The following PIAS2 variants were observed in gnomAD, a reference collection of about 807,000 sequenced individuals.
PIAS2 encodes protein inhibitor of activated STAT 2.
A neutral mutation model predicts 69.7 loss-of-function variants in PIAS2; 19 were observed. The ratio of observed to expected loss-of-function variants is 0.27; its 90% CI spans 0.19 to 0.40. The LOEUF is 0.40. PIAS2 is among the 10% of genes least tolerant of loss of function. PIAS2 has a pLI of 1.00. For missense variants in PIAS2, 624 were observed against 757.0 expected, an observed-to-expected ratio of 0.82 and a Z score of 2.06; for synonymous variants, 261 against 263.2, an observed-to-expected ratio of 0.99 and a Z score of 0.08.
intron 12 of PIAS2, chr18:46,818,404 T>A (rs748770222): frequency 1.3e-6 from 2 of 1,588,482 alleles, no homozygotes; most frequent in African/African-American, 2.7e-5. Context: ...CAGAAGATGT[T>A]CCAAGCTTCA....
chr18:46,887,042 A>G (rs1456808098), intron 2 of PIAS2, among the ~76,000 whole-genome samples: 1 of 152,170 alleles, frequency 6.6e-6, no homozygotes, highest in Non-Finnish European at 1.5e-5. Flanking sequence ...AACTGGCACT[A>G]AAATAATTTG....
At chr18:46,832,619 G>A (rs1318118602) in intron 9 of PIAS2, among the ~76,000 whole-genome samples, 3 of 152,004 alleles carry the variant, frequency 2.0e-5, no homozygotes, top group Non-Finnish European at 4.4e-5. Flanking sequence ...GGCCGGATGT[G>A]GTGACTCATG....
intron 7 of PIAS2, 62 bp downstream of exon 7, chr18:46,844,672 A>C: frequency 5.3e-6 from 3 of 565,434 alleles, no homozygotes; most frequent in Non-Finnish European, 8.8e-6. Context: ...GCATTAAAGT[A>C]TCTCATATGC....
intron 2 of PIAS2, among the ~76,000 whole-genome samples, chr18:46,873,308 C>A (rs949390371): frequency 6.6e-6 from 1 of 152,184 alleles, no homozygotes; most frequent in Admixed American, 6.5e-5. Flanking sequence ...TGACAGGGAA[C>A]CCAAATCTAA....
intron 5 of PIAS2, chr18:46,853,632 T>C (rs944028809): frequency 6.6e-6 from 1 of 152,168 alleles, no homozygotes; most frequent in African/African-American, 2.4e-5. Context: ...CTACTAAAAT[T>C]ACAAAAACCA....
rs2041020255 is a variant in PIAS2 at position 46,811,822 on chromosome 18, A to T, written c.*611T>A. 1 of 152,216 alleles carries T rather than the reference A, an allele frequency of 6.6e-6. No individual in the cohort carries two copies. Among genetic ancestry groups the T allele is most frequent in the Non-Finnish European group, 1.5e-5 (1 of 68,046 alleles). 9.4% of individuals were successfully genotyped at this position (152,216 alleles called of 1,614,324 possible). A position where few individuals can be genotyped will look rare whatever the true frequency, so the allele number is the denominator to read the frequency against. ...GTAAATGATAAGCAGGAAAAAAACC[A>T]AGTAACACGAATGCCATTTTTCTTT... On this transcript the variant is annotated 3_prime_UTR_variant, in exon 14 of 14. Coordinates refer to ENST00000585916, the MANE Select transcript of PIAS2 (RefSeq NM_004671.5).
chr18:46,855,748 A>C (rs932857745), intron 3 of PIAS2, 133 bp from the exon 4 acceptor site: 7 of 686,832 alleles, frequency 1.0e-5, no homozygotes, highest in South Asian at 1.9e-5. Context: ...ATATACTACC[A>C]ATAATATAAG....
chr18:46,846,842 C>A lies in PIAS2; in HGVS notation c.727-1G>T. The A allele has an allele frequency of 6.4e-7, 1 of 1,559,456 alleles. No homozygotes were observed. The highest frequency in any genetic ancestry group is 1.3e-5 in the South Asian group (1 of 79,000). On this transcript the variant is annotated splice_acceptor_variant, in intron 5 of 13. Transcript: ENST00000585916. LOFTEE classifies it high-confidence loss of function. ...CATTTTTAGGCGGTGGTGCATAGCC[C>A]TATAACCGTAAGAAAGAAAAATTAT... is the stretch of plus-strand genomic sequence containing the variant.
At chr18:46,825,023 T>A (rs1238515794) in intron 11 of PIAS2, among the ~76,000 whole-genome samples, 1 of 149,098 alleles carries the variant, frequency 6.7e-6, no homozygotes, top group Non-Finnish European at 1.5e-5. Flanking sequence ...AAAAAAAAAA[T>A]AGTTGCTCAC....
chr18:46,903,711 C>G (rs1241633714), intron 1 of PIAS2: 1 of 152,126 alleles, frequency 6.6e-6, no homozygotes, highest in Admixed American at 6.5e-5. Flanking sequence ...CACTCCTGGG[C>G]ATTTATCTCC....
chr18:46,855,202 G>A, intron 5 of PIAS2, 143 bp downstream of exon 5: 1 of 520,566 alleles, frequency 1.9e-6, no homozygotes, highest in South Asian at 4.1e-5. Flanking sequence ...AGAAGCCATG[G>A]GTTACCCTAG....
At chr18:46,834,893 G>C (rs534297756) in intron 9 of PIAS2, among the ~76,000 whole-genome samples, 6 of 152,320 alleles carry the variant, frequency 3.9e-5, no homozygotes, top group Middle Eastern at 6.8e-3. Context: ...GGGAAAAATA[G>C]CTTACTCCTC....
chr18:46,852,444 C>T (rs915845756), intron 5 of PIAS2, among the ~76,000 whole-genome samples: 3 of 152,172 alleles, frequency 2.0e-5, no homozygotes, highest in African/African-American at 7.2e-5. Context: ...CACAACTGCC[C>T]ATGGAGCTGC....
chr18:46,886,793 G>A (rs768418394), intron 2 of PIAS2, among the ~76,000 whole-genome samples: 3 of 151,996 alleles, frequency 2.0e-5, no homozygotes, highest in African/African-American at 4.8e-5. Context: ...AGCCGAGACA[G>A]CGCCACCGCC....
chr18:46,909,184 A>G (rs1475239356), intron 1 of PIAS2, among the ~76,000 whole-genome samples: 1 of 152,230 alleles, frequency 6.6e-6, no homozygotes, highest in African/African-American at 2.4e-5. Context: ...AGAATGGCTA[A>G]TCAGTATAGT....
rs150484159 is a variant in PIAS2 at position 46,853,188 on chromosome 18, A to T, written c.726+2157T>A. 209 of 152,132 alleles carry T rather than the reference A, an allele frequency of 1.4e-3. 1 individual carries two copies. The highest frequency in any genetic ancestry group is 4.9e-3 in the African/African-American group (204 of 41,496). 9.4% of individuals were successfully genotyped at this position (152,132 alleles called of 1,614,324 possible). ...GCTACTAAGGAGAGTGAGATGGGAG[A>T]ATCGCTTGAGCCTCTAGGAGGCTAA... On this transcript the variant is annotated intron_variant, in intron 5 of 13. Transcript: ENST00000585916.
At chr18:46,884,906 A>G (rs923631005) in intron 2 of PIAS2, among the ~76,000 whole-genome samples, 6 of 145,222 alleles carry the variant, frequency 4.1e-5, no homozygotes, top group Non-Finnish European at 9.2e-5. Flanking sequence ...TACAAGAGCA[A>G]ATCTGTCTCA....
chr18:46,903,896 G>A (rs1286763585), intron 1 of PIAS2, among the ~76,000 whole-genome samples: 2 of 152,224 alleles, frequency 1.3e-5, no homozygotes, highest in Non-Finnish European at 2.9e-5. Context: ...AAAAAGGGAT[G>A]AGCTGTTTAT....
rs115095049 is a variant in PIAS2, at chr18:46,890,734, G to A, written c.345C>T (p.Ser115=). Reference sequence around the variant, plus strand: ...GAAGCAGCACAGAACCAACAGGAGAGGATGGTGAGTGAGGTGTAACTGAAG... The same window carrying A: ...GAAGCAGCACAGAACCAACAGGAGAAGATGGTGAGTGAGGTGTAACTGAAG... The part of the protein sequence containing the change: ...PSTSVTPHSP[S]SPVGSVLLQD... Residue 115 remains serine, a synonymous_variant, in exon 2 of 14, where the codon TCC becomes TCT. Transcript: ENST00000585916. 3 of 1,614,046 alleles carry A rather than the reference G, an allele frequency of 1.9e-6. No individual in the cohort carries two copies. Among genetic ancestry groups the A allele is most frequent in the African/African-American group, 2.7e-5 (2 of 74,928 alleles).
Sources: allele counts gnomAD v4.1 joint callset (sites outside exome capture counted in the v4.1 genomes callset), GRCh38; gene constraint gnomAD v4.1.1; transcripts MANE v1.5; gene names NCBI Gene and HGNC (gene_info 2026-07-23, HGNC 2026-07-21).